MAX: variants seen among roughly 807,000 people sequenced by gnomAD.
The protein encoded by MAX is protein max.
A neutral mutation model predicts 22.3 loss-of-function variants in MAX; 3 were observed. That is an observed-to-expected ratio of 0.13 (90% CI 0.06 to 0.35). The LOEUF (loss-of-function observed/expected upper bound fraction) is 0.35, where lower values mean the gene tolerates loss of function less well. MAX is among the 10% of genes least tolerant of loss of function. The pLI is 1.00. For synonymous variants in MAX, 72 were observed against 77.7 expected (o/e 0.93, Z 0.39); for missense variants, 119 against 209.4 (o/e 0.57, Z 2.66).
At chr14:65,065,450 A>C (rs1175192527) in intron 3 of MAX, among the ~76,000 whole-genome samples, 3 of 152,112 alleles carry the variant, frequency 2.0e-5, no homozygotes, top group African/African-American at 7.2e-5. Context: ...TGTGAACATC[A>C]TGGAGTGCAC....
intron 3 of MAX, among the ~76,000 whole-genome samples, chr14:65,050,386 T>G (rs767667620): frequency 6.6e-6 from 1 of 152,146 alleles, no homozygotes; most frequent in Non-Finnish European, 1.5e-5. Context: ...ATTTTAGGAG[T>G]TCGAGACTGG....
downstream of MAX, among the ~76,000 whole-genome samples, chr14:65,071,992 A>G (rs753373524): frequency 3.3e-5 from 5 of 152,258 alleles, no homozygotes; most frequent in Non-Finnish European, 7.3e-5. This position sits in a 1 kb window ranked among gnomAD's most constrained non-coding sequence, Gnocchi z 4.2. Context: ...CCGCTGCCCT[A>G]GTAAACCCTA....
At chr14:65,050,637 A>G (rs997980133) in intron 3 of MAX, among the ~76,000 whole-genome samples, 16 of 152,156 alleles carry the variant, frequency 1.1e-4, no homozygotes, top group Admixed American at 6.5e-5. Flanking sequence ...GTATAGCAAA[A>G]TTTTAAATTT....
intron 3 of MAX, among the ~76,000 whole-genome samples, chr14:65,064,052 G>A (rs1296634868): frequency 2.0e-5 from 3 of 152,176 alleles, no homozygotes; most frequent in African/African-American, 7.2e-5. Context: ...AGACCCTACA[G>A]GGAGCGGAGC....
chr14:65,089,114 C>T (rs977028762), intron 3 of MAX, among the ~76,000 whole-genome samples: 1 of 152,134 alleles, frequency 6.6e-6, no homozygotes, highest in Non-Finnish European at 1.5e-5. Context: ...GTCTTTTAAC[C>T]TCTACAGCAC....
At chr14:65,091,888 TC>T in intron 3 of MAX, 1 of 152,374 alleles carries the variant, frequency 6.6e-6, no homozygotes, top group South Asian at 2.1e-4. Context: ...ACTGCTGTAC[TC>T]CCAGTATCTA....
Position 65,078,535 on chromosome 14 carries a change from T to TG in MAX, c.172-500_172-499insC, listed in dbSNP as rs202093654. 1.7e-3 allele frequency among the ~76,000 whole-genome samples: 247 copies of TG among 148,910 alleles called. No individual in the cohort carries two copies. Among genetic ancestry groups the TG allele is most frequent in the African/African-American group, 5.9e-3 (239 of 40,360 alleles). On this transcript the variant is annotated intron_variant, in intron 3 of 4. Transcript: ENST00000358664. This position sits in a 1 kb window ranked among gnomAD's most constrained non-coding sequence, Gnocchi z 6.4. ...CTGTTGTTGTTGTTGTTGTTGTTGTTTTTTTTTTTTTGGAGACGTAGTCTC... is the reference window on the plus strand; with the variant it reads ...CTGTTGTTGTTGTTGTTGTTGTTGTTGTTTTTTTTTTTGGAGACGTAGTCTC...
At position 65,012,301 on chromosome 14, in the gene MAX, C is replaced by T; in HGVS notation, c.172-6017G>A. On this transcript the variant is annotated intron_variant, in intron 3 of 3. Transcript: ENST00000341653. The surrounding 1 kb of genome is among the most constrained non-coding windows in gnomAD (Gnocchi z 5.0). ...TAAGCTATTAGAATGGGCTTATAAA[C>T]TGTTTGTCTTTCCAGGCTTGTTTTG... 1 of 1,614,038 alleles carries T rather than the reference C, an allele frequency of 6.2e-7. No individual in the cohort carries two copies. Among genetic ancestry groups the T allele is most frequent in the South Asian group, 1.1e-5 (1 of 91,078 alleles).
At position 65,078,057 on chromosome 14, in the gene MAX, G is replaced by C. The variant is rs2139756728; in HGVS notation, c.172-21C>G. On this transcript the variant is annotated intron_variant, in intron 3 of 4. Coordinates refer to ENST00000358664, the MANE Select transcript of MAX (RefSeq NM_002382.5). The surrounding 1 kb of genome is among the most constrained non-coding windows in gnomAD (Gnocchi z 6.4). ...GATGCCTGTGGCAATATGAGAAAAA[G>C]CACAGGGGACAAAATAAAAACCCAA... The C allele has an allele frequency of 1.2e-6, 2 of 1,614,158 alleles. No individual in the cohort carries two copies. Among genetic ancestry groups the C allele is most frequent in the Non-Finnish European group, 1.7e-6 (2 of 1,180,030 alleles).
chr14:65,077,055 A>T lies in MAX; in HGVS notation c.296-392T>A. The T allele has an allele frequency of 1.8e-6, 1 of 555,942 alleles. No individual in the cohort carries two copies. The highest frequency in any genetic ancestry group is 3.1e-5 in the East Asian group (1 of 31,926). 34.4% of individuals were successfully genotyped at this position (555,942 alleles called of 1,614,324 possible). Reference sequence around the variant, plus strand: ...GTGTGAGGCCACACAACAGCAGGAAAGGATGACATAAGACGTATCAGCCAA... The same window carrying T: ...GTGTGAGGCCACACAACAGCAGGAATGGATGACATAAGACGTATCAGCCAA... On this transcript the variant is annotated intron_variant, in intron 4 of 4. Coordinates refer to ENST00000358664, the MANE Select transcript of MAX (RefSeq NM_002382.5). The surrounding 1 kb of genome is among the most constrained non-coding windows in gnomAD (Gnocchi z 6.3).
chr14:65,093,945 G>C lies in MAX; in HGVS notation c.64-130C>G, dbSNP rs1043238229. On this transcript the variant is annotated intron_variant, in intron 2 of 4. Coordinates refer to ENST00000358664, the MANE Select transcript of MAX (RefSeq NM_002382.5). The surrounding 1 kb of genome is among the most constrained non-coding windows in gnomAD (Gnocchi z 4.4). Reference sequence around the variant, plus strand: ...GCGAGTGGACTGGGAAGGATTTCTCGAGGTGGGCAGTTAGGAGTCTCCAGA... The same window carrying C: ...GCGAGTGGACTGGGAAGGATTTCTCCAGGTGGGCAGTTAGGAGTCTCCAGA... The C allele has an allele frequency of 1.7e-4, 120 of 720,928 alleles. 1 individual carries two copies. The highest frequency in any genetic ancestry group is 2.8e-4 in the Middle Eastern group (1 of 3,622). 44.7% of individuals were successfully genotyped at this position (720,928 alleles called of 1,614,324 possible). A position where few individuals can be genotyped will look rare whatever the true frequency, so the allele number is the denominator to read the frequency against.
chr14:65,010,221 T>G (rs138718282), intron 3 of MAX, among the ~76,000 whole-genome samples: 3 of 152,284 alleles, frequency 2.0e-5, no homozygotes, highest in Non-Finnish European at 2.9e-5. Flanking sequence ...ATATGTAAAC[T>G]CTCCTGTTTC....
At chr14:65,060,334 A>AC (rs2062833169) in intron 3 of MAX, among the ~76,000 whole-genome samples, 1 of 151,164 alleles carries the variant, frequency 6.6e-6, no homozygotes. Context: ...CACACCTGTA[A>AC]CCCCAGCACT....
At position 65,101,456 on chromosome 14, in the gene MAX, A is replaced by C. The variant is rs921800769; in HGVS notation, c.63+90T>G. The C allele has an allele frequency of 5.9e-6, 7 of 1,180,978 alleles. No homozygotes were observed. The African/African-American group carries it at 1.1e-4, about 18-fold the overall frequency. 73.2% of individuals were successfully genotyped at this position (1,180,978 alleles called of 1,614,324 possible). ...ACATTAGAGTTTACTACAATATTAAAAGTAATAGTACGATCTCTTTTTCTC... is the reference window on the plus strand; with the variant it reads ...ACATTAGAGTTTACTACAATATTAACAGTAATAGTACGATCTCTTTTTCTC... On this transcript the variant is annotated intron_variant, in intron 2 of 4. Transcript: ENST00000358664.
rs527944097 is a variant in MAX, at chr14:65,102,292, C to T, written c.36+12G>A. 16 of 1,613,706 alleles carry T rather than the reference C, an allele frequency of 9.9e-6. No individual in the cohort carries two copies. In the East Asian group the frequency reaches 3.1e-4, roughly 31 times the overall value. Reference sequence around the variant, plus strand: ...ACAACCCGCACGGGAAGGAAGAAGCCCCAGGACTCACGTCGCTCTCCACCT... The same window carrying T: ...ACAACCCGCACGGGAAGGAAGAAGCTCCAGGACTCACGTCGCTCTCCACCT... On this transcript the variant is annotated intron_variant, in intron 1 of 4. Transcript: ENST00000358664.
intron 2 of MAX, among the ~76,000 whole-genome samples, chr14:65,096,018 C>T (rs1046786532): frequency 1.3e-5 from 2 of 152,146 alleles, no homozygotes; most frequent in Admixed American, 6.5e-5. Context: ...ACAAGTCTCT[C>T]GGTTGGAGGA....
chr14:65,040,688 C>A, intron 3 of MAX: 1 of 1,340,210 alleles, frequency 7.5e-7, no homozygotes, highest in Middle Eastern at 3.0e-4. Flanking sequence ...ATGGTTCACA[C>A]CTTAATCTGA....
chr14:65,068,566 G>A (rs1030712047), intron 3 of MAX, among the ~76,000 whole-genome samples: 3 of 152,000 alleles, frequency 2.0e-5, no homozygotes, highest in African/African-American at 7.3e-5. Context: ...CTATGGACTC[G>A]TTTATTTTAT....
At chr14:65,015,706 G>A (rs765680863) in intron 3 of MAX, 1 of 1,614,168 alleles carries the variant, frequency 6.2e-7, no homozygotes, top group Non-Finnish European at 8.5e-7. Flanking sequence ...CCCCCAGATA[G>A]TGGCTACAGA....
Sources: allele counts gnomAD v4.1 joint callset (sites outside exome capture counted in the v4.1 genomes callset), GRCh38; gene constraint gnomAD v4.1.1; non-coding constraint Gnocchi (gnomAD v3.1); transcripts MANE v1.5; gene names NCBI Gene and HGNC (gene_info 2026-07-23, HGNC 2026-07-21).